LRRC4C: variants seen among roughly 807,000 people sequenced by gnomAD.
LRRC4C encodes leucine-rich repeat-containing protein 4C.
A neutral mutation model predicts 33.6 loss-of-function variants in LRRC4C; 5 were observed. The observed-to-expected ratio is 0.15, with a 90% confidence interval of 0.08 to 0.31. The LOEUF is 0.31. Ranked by LOEUF, LRRC4C falls within the 10% of genes least tolerant of loss-of-function variation. The probability of loss-of-function intolerance (pLI) is 1.00; values close to 1 mark genes in which losing one functional copy is unlikely to be tolerated. For synonymous variants in LRRC4C, 329 were observed against 302.0 expected (o/e 1.09, Z -0.93); for missense variants, 560 against 796.7 (o/e 0.70, Z 3.58).
intron 2 of LRRC4C, among the ~76,000 whole-genome samples, chr11:40,781,977 A>T (rs778024645): frequency 3.9e-5 from 6 of 152,212 alleles, no homozygotes; most frequent in Admixed American, 6.5e-5. Context: ...ATTTGAAACA[A>T]AAGAACCATT....
At chr11:40,780,663 T>A (rs1950176865) in intron 2 of LRRC4C, among the ~76,000 whole-genome samples, 1 of 152,164 alleles carries the variant, frequency 6.6e-6, no homozygotes, top group Non-Finnish European at 1.5e-5. Context: ...AACATCATTA[T>A]AACAAATGGC....
At chr11:40,980,019 AG>A (rs1440839445) in intron 1 of LRRC4C, among the ~76,000 whole-genome samples, 1 of 152,208 alleles carries the variant, frequency 6.6e-6, no homozygotes. Flanking sequence ...CGATCACAAA[AG>A]GAAGTCCCAT....
chr11:40,212,355 G>T (rs1179601711), intron 5 of LRRC4C, among the ~76,000 whole-genome samples: 1 of 151,834 alleles, frequency 6.6e-6, no homozygotes, highest in African/African-American at 2.4e-5. Context: ...GCTTGTTGGG[G>T]ATTTAGGAGC....
intron 2 of LRRC4C, among the ~76,000 whole-genome samples, chr11:40,862,336 T>C (rs1055925092): frequency 3.3e-5 from 5 of 152,164 alleles, no homozygotes; most frequent in Non-Finnish European, 5.9e-5. Flanking sequence ...TAGGCTCTTA[T>C]TTAAATTTAA....
intron 1 of LRRC4C, among the ~76,000 whole-genome samples, chr11:41,281,077 T>TCTCC: frequency 1.8e-5 from 1 of 54,458 alleles, no homozygotes; most frequent in South Asian, 7.2e-4. Context: ...TCTCTCTCTG[T>TCTCC]CCTCTCTCTC....
chr11:40,336,976 C>CAAA lies in LRRC4C; in HGVS notation c.-269-17258_-269-17256dup, dbSNP rs34144874. On this transcript the variant is annotated intron_variant, in intron 3 of 6. Transcript: ENST00000528697. ...TGGGGGACAGAGCGAGACTTCGTCT[C>CAAA]AAAAAAAAAAAAAAAAAAAAAAAAA... 6.4e-3 allele frequency among the ~76,000 whole-genome samples: 508 copies of CAAA among 79,184 alleles called. 60 individuals are homozygous for CAAA. The highest frequency in any genetic ancestry group is 0.022 in the African/African-American group (288 of 12,806). 51.9% of individuals were successfully genotyped at this position (79,184 alleles called of 152,430 possible).
chr11:40,648,699 A>G (rs754695297), intron 2 of LRRC4C, among the ~76,000 whole-genome samples: 1 of 152,172 alleles, frequency 6.6e-6, no homozygotes, highest in Non-Finnish European at 1.5e-5. Context: ...CAGCACAGTA[A>G]TATTTCTTAA....
chr11:41,030,589 A>G (rs1303043400), intron 1 of LRRC4C, among the ~76,000 whole-genome samples: 5 of 151,826 alleles, frequency 3.3e-5, no homozygotes, highest in Admixed American at 6.6e-5. Context: ...TCGAACACCA[A>G]CAAAGCAGTA....
At chr11:40,257,778 A>G (rs985007523) in intron 4 of LRRC4C, among the ~76,000 whole-genome samples, 1 of 152,164 alleles carries the variant, frequency 6.6e-6, no homozygotes, top group African/African-American at 2.4e-5. Flanking sequence ...TTGCCTGAAC[A>G]CTAAGGCTAC....
chr11:41,206,465 C>A (rs1946605879), intron 1 of LRRC4C, among the ~76,000 whole-genome samples: 1 of 152,198 alleles, frequency 6.6e-6, no homozygotes, highest in Non-Finnish European at 1.5e-5. Context: ...AGGGCTCTTG[C>A]AGCATCCTCT....
chr11:40,875,437 G>T (rs910085605), intron 2 of LRRC4C, among the ~76,000 whole-genome samples: 5 of 152,158 alleles, frequency 3.3e-5, no homozygotes, highest in Non-Finnish European at 7.3e-5. Flanking sequence ...ATTAAATAAA[G>T]GGCGTTACAT....
At chr11:40,286,061 C>T (rs1375132914) in intron 4 of LRRC4C, among the ~76,000 whole-genome samples, 1 of 152,170 alleles carries the variant, frequency 6.6e-6, no homozygotes, top group Non-Finnish European at 1.5e-5. Context: ...TATTAACTTA[C>T]AGTAGTGCCT....
At chr11:40,684,378 C>T (rs2136351439) in intron 2 of LRRC4C, among the ~76,000 whole-genome samples, 1 of 151,926 alleles carries the variant, frequency 6.6e-6, no homozygotes, top group South Asian at 2.1e-4. Flanking sequence ...TTAGACCCTA[C>T]TGAAAGTAAT....
At chr11:40,700,218 C>A (rs1304041432) in intron 2 of LRRC4C, among the ~76,000 whole-genome samples, 1 of 152,104 alleles carries the variant, frequency 6.6e-6, no homozygotes, top group Non-Finnish European at 1.5e-5. Flanking sequence ...ACTTTCCTGT[C>A]ATGTTATTTT....
intron 2 of LRRC4C, among the ~76,000 whole-genome samples, chr11:40,679,495 G>A (rs1032170584): frequency 1.3e-5 from 2 of 152,114 alleles, no homozygotes; most frequent in African/African-American, 4.8e-5. Context: ...AAGTTTAGGA[G>A]CAAAAAATTG....
chr11:40,160,115 C>G (rs139868532), intron 5 of LRRC4C, among the ~76,000 whole-genome samples: 1 of 151,814 alleles, frequency 6.6e-6, no homozygotes, highest in African/African-American at 2.4e-5. Context: ...GGTGGTCATC[C>G]GTGGTTGTTC....
At chr11:40,694,202 A>G (rs904679406) in intron 2 of LRRC4C, among the ~76,000 whole-genome samples, 1 of 152,176 alleles carries the variant, frequency 6.6e-6, no homozygotes, top group African/African-American at 2.4e-5. Flanking sequence ...AATAAAAACA[A>G]GAATGTGGTA....
chr11:40,850,683 A>T (rs1953438292), intron 2 of LRRC4C, among the ~76,000 whole-genome samples: 1 of 152,214 alleles, frequency 6.6e-6, no homozygotes, highest in Non-Finnish European at 1.5e-5. Flanking sequence ...TGCTCTCTTC[A>T]GAGCTGGCAG....
intron 3 of LRRC4C, among the ~76,000 whole-genome samples, chr11:40,578,215 ATCTG>A (rs1404207995): frequency 8.1e-6 from 1 of 123,260 alleles, no homozygotes; most frequent in Non-Finnish European, 1.6e-5. Context: ...TTCTCTCTCA[ATCTG>A]TCTATTTCAG....
Sources: allele counts gnomAD v4.1 joint callset (sites outside exome capture counted in the v4.1 genomes callset), GRCh38; gene constraint gnomAD v4.1.1; transcripts MANE v1.5; gene names NCBI Gene and HGNC (gene_info 2026-07-23, HGNC 2026-07-21).